Variants in NOL4 observed in about 807,000 individuals in gnomAD.
The protein encoded by NOL4 is nucleolar protein 4.
Under a neutral mutation model 75.9 loss-of-function variants are expected in NOL4, and 17 were observed. That is an observed-to-expected ratio of 0.22 (90% CI 0.15 to 0.34). The LOEUF (loss-of-function observed/expected upper bound fraction) is 0.34, where lower values mean the gene tolerates loss of function less well. NOL4 is among the 10% of genes least tolerant of loss of function. The probability of loss-of-function intolerance (pLI) is 1.00; values close to 1 mark genes in which losing one functional copy is unlikely to be tolerated. For synonymous variants in NOL4, 292 were observed against 289.9 expected, an observed-to-expected ratio of 1.01 and a Z score of -0.07; for missense variants, 614 against 793.5, an observed-to-expected ratio of 0.77 and a Z score of 2.72.
intron 9 of NOL4, among the ~76,000 whole-genome samples, chr18:33,912,429 A>T (rs909979598): frequency 3.3e-5 from 5 of 152,102 alleles, no homozygotes; most frequent in African/African-American, 9.7e-5. Context: ...CAGGATAGGT[A>T]CATTAAGTTT....
intron 5 of NOL4, among the ~76,000 whole-genome samples, chr18:34,040,018 T>C (rs749133009): frequency 2.6e-5 from 4 of 152,140 alleles, no homozygotes; most frequent in Admixed American, 6.6e-5. Context: ...GGCTAAGATA[T>C]GGTGTTAAGT....
chr18:33,886,783 A>C (rs1164566061), intron 9 of NOL4, among the ~76,000 whole-genome samples: 3 of 140,742 alleles, frequency 2.1e-5, no homozygotes, highest in Admixed American at 7.3e-5. Flanking sequence ...ATATATATAT[A>C]TCTATAGATA....
chr18:34,028,586 C>A (rs766646271), intron 5 of NOL4, among the ~76,000 whole-genome samples: 3 of 152,128 alleles, frequency 2.0e-5, no homozygotes, highest in African/African-American at 7.2e-5. Flanking sequence ...GCAGCCAGAC[C>A]GGAAAAATGA....
intron 9 of NOL4, among the ~76,000 whole-genome samples, chr18:33,885,688 G>C (rs1039034911): frequency 2.0e-5 from 3 of 152,130 alleles, no homozygotes; most frequent in African/African-American, 4.8e-5. Context: ...TGGTGAGGGT[G>C]TGGGGAAAAG....
chr18:34,063,463 T>C (rs1224880438), intron 5 of NOL4, among the ~76,000 whole-genome samples: 1 of 152,146 alleles, frequency 6.6e-6, no homozygotes, highest in African/African-American at 2.4e-5. Context: ...TTAGGGACTA[T>C]AATTAATCAA....
chr18:34,029,068 T>A (rs1264598128), intron 5 of NOL4, among the ~76,000 whole-genome samples: 1 of 152,110 alleles, frequency 6.6e-6, no homozygotes, highest in Non-Finnish European at 1.5e-5. Context: ...GGGAGACACG[T>A]AGAAACAGAA....
At chr18:34,212,955 G>A (rs765266905) in intron 1 of NOL4, among the ~76,000 whole-genome samples, 1 of 152,022 alleles carries the variant, frequency 6.6e-6, no homozygotes, top group African/African-American at 2.4e-5. Flanking sequence ...CCCATGAAAG[G>A]CCCCCCTTTC....
intron 9 of NOL4, among the ~76,000 whole-genome samples, chr18:33,934,861 C>CTTTTT (rs1568087191): frequency 7.1e-6 from 1 of 141,478 alleles, no homozygotes; most frequent in African/African-American, 2.7e-5. Flanking sequence ...TGGAGTAGCA[C>CTTTTT]GTTTTTTTTT....
intron 4 of NOL4, among the ~76,000 whole-genome samples, chr18:34,100,634 C>T (rs1212942416): frequency 1.3e-5 from 2 of 152,186 alleles, no homozygotes; most frequent in Non-Finnish European, 2.9e-5. Flanking sequence ...TTCTCAGTAT[C>T]CTCTGTTGGT....
chr18:33,918,652 T>C (rs1168431558), intron 9 of NOL4, among the ~76,000 whole-genome samples: 2 of 152,214 alleles, frequency 1.3e-5, no homozygotes, highest in Non-Finnish European at 2.9e-5. Context: ...AAACTTACTT[T>C]TCATTCAAAT....
At chr18:34,104,557 G>T (rs1255610718) in intron 3 of NOL4, among the ~76,000 whole-genome samples, 1 of 151,792 alleles carries the variant, frequency 6.6e-6, no homozygotes, top group African/African-American at 2.4e-5. Flanking sequence ...GAATGAGCCA[G>T]CAAAAAATGT....
intron 3 of NOL4, among the ~76,000 whole-genome samples, chr18:34,104,738 A>T (rs1016073961): frequency 2.6e-5 from 4 of 152,088 alleles, no homozygotes; most frequent in African/African-American, 9.7e-5. Context: ...ATTTAAAAAG[A>T]CATTGATAGA....
In NOL4 at chr18:34,105,104, G is replaced by A; in HGVS notation, c.471C>T (p.Ser157=). 6.2e-7 allele frequency: 1 copy of A among 1,612,360 alleles called. No individual in the cohort carries two copies. The highest frequency in any genetic ancestry group is 1.7e-4 in the Middle Eastern group (1 of 6,054). The change falls in exon 3 of 11, where the codon AGC becomes AGT. Residue 157 remains serine, a synonymous_variant. Coordinates refer to ENST00000261592, the MANE Select transcript of NOL4 (RefSeq NM_003787.5). ...GCATTCTTTTCTGGCACTCTGAGCAGCTCATTAGAAATCGTGTCACCGCTT... is the reference window on the plus strand; with the variant it reads ...GCATTCTTTTCTGGCACTCTGAGCAACTCATTAGAAATCGTGTCACCGCTT... ...PREAVTRFLM[S]CSECQKRMHL...
At position 33,864,605 on chromosome 18, in the gene NOL4, C is replaced by G. The variant is rs1331110905; in HGVS notation, c.1724-11570G>C. On this transcript the variant is annotated intron_variant, in intron 10 of 10. Coordinates refer to ENST00000261592, the MANE Select transcript of NOL4 (RefSeq NM_003787.5). ...CACATCTTCCTGTTTTCCTCTGAGC[C>G]CTCCAAACTGTTCCAACTGCTGCCC... Among the ~76,000 whole-genome samples, 3 of 152,112 alleles carry G rather than the reference C, an allele frequency of 2.0e-5. No homozygotes were observed. In the South Asian group the frequency reaches 6.2e-4, roughly 32 times the overall value.
intron 1 of NOL4, among the ~76,000 whole-genome samples, chr18:34,169,735 T>C (rs2032830868): frequency 6.6e-6 from 1 of 152,124 alleles, no homozygotes; most frequent in Admixed American, 6.6e-5. Flanking sequence ...TTGTCATCCA[T>C]TGTATTAACA....
chr18:34,001,627 A>C (rs2073713056), intron 6 of NOL4: 1 of 152,170 alleles, frequency 6.6e-6, no homozygotes. Context: ...GAAAGCAGAC[A>C]CAATGAACTT....
chr18:34,119,997 C>A (rs1321682319), intron 2 of NOL4, among the ~76,000 whole-genome samples: 1 of 152,142 alleles, frequency 6.6e-6, no homozygotes, highest in African/African-American at 2.4e-5. Context: ...GATAAACATA[C>A]AATATTGGAG....
intron 2 of NOL4, among the ~76,000 whole-genome samples, chr18:34,124,342 A>G (rs1165248922): frequency 6.6e-6 from 1 of 152,212 alleles, no homozygotes; most frequent in Non-Finnish European, 1.5e-5. Flanking sequence ...GTATTTTTAT[A>G]TTCTATGAGT....
chr18:33,973,557 T>C (rs1600109180), intron 6 of NOL4, among the ~76,000 whole-genome samples: 1 of 152,208 alleles, frequency 6.6e-6, no homozygotes, highest in Admixed American at 6.5e-5. Flanking sequence ...TTAGTAGCTA[T>C]GGCAGCCACA....
Sources: allele counts gnomAD v4.1 joint callset (sites outside exome capture counted in the v4.1 genomes callset), GRCh38; gene constraint gnomAD v4.1.1; transcripts MANE v1.5; gene names NCBI Gene and HGNC (gene_info 2026-07-23, HGNC 2026-07-21).